Variants in CDH13 observed in about 807,000 individuals in gnomAD.
CDH13 encodes cadherin 13, also known as cadherin-13.
CDH13 carries 24 observed loss-of-function variants against 63.8 expected under a neutral mutation model. The observed-to-expected ratio is 0.38, with a 90% CI of 0.27 to 0.53. The LOEUF is 0.53. CDH13 is among the 20% of genes least tolerant of loss of function. The pLI is 0.85. For missense variants in CDH13, 1,049 were observed against 903.1 expected, an observed-to-expected ratio of 1.16 and a Z score of -2.07; for synonymous variants, 503 against 355.3, an observed-to-expected ratio of 1.42 and a Z score of -4.67.
At chr16:83,378,901 T>C (rs913821703) in intron 6 of CDH13, among the ~76,000 whole-genome samples, 2 of 152,174 alleles carry the variant, frequency 1.3e-5, no homozygotes, top group African/African-American at 4.8e-5. Flanking sequence ...CATGCTAAAC[T>C]TGTGGTCCAC....
chr16:82,795,318 G>A (rs1438432181), intron 1 of CDH13, among the ~76,000 whole-genome samples: 2 of 152,208 alleles, frequency 1.3e-5, no homozygotes, highest in African/African-American at 4.8e-5. Context: ...CCACCTGTGT[G>A]AGTTAATACA....
intron 10 of CDH13, among the ~76,000 whole-genome samples, chr16:83,731,813 C>G (rs908191880): frequency 2.6e-5 from 4 of 152,120 alleles, no homozygotes; most frequent in African/African-American, 9.7e-5. Context: ...TTTTCTTTTT[C>G]TAGACTTCAG....
chr16:82,891,267 G>A (rs1326029491), intron 2 of CDH13, among the ~76,000 whole-genome samples: 1 of 152,004 alleles, frequency 6.6e-6, no homozygotes, highest in African/African-American at 2.4e-5. Context: ...TTAATTTCCT[G>A]GGTAGTGAAG....
chr16:82,842,482 A>T (rs1355981777), intron 1 of CDH13, among the ~76,000 whole-genome samples: 2 of 152,148 alleles, frequency 1.3e-5, no homozygotes, highest in East Asian at 3.9e-4. Flanking sequence ...AATCAGCTAA[A>T]TGGGAGTTGT....
At chr16:82,673,024 A>G (rs1913476929) in intron 1 of CDH13, among the ~76,000 whole-genome samples, 1 of 8,342 alleles carries the variant, frequency 1.2e-4, no homozygotes, top group Admixed American at 1.1e-3. Context: ...TTTTTTGTAG[A>G]GATGATGGGG....
intron 4 of CDH13, among the ~76,000 whole-genome samples, chr16:83,211,724 G>C (rs2039342474): frequency 6.6e-6 from 1 of 151,792 alleles, no homozygotes; most frequent in African/African-American, 2.4e-5. Flanking sequence ...CCCGGATGCA[G>C]AAGACACTGG....
At chr16:82,654,781 G>A (rs530941833) in intron 1 of CDH13, among the ~76,000 whole-genome samples, 2 of 151,988 alleles carry the variant, frequency 1.3e-5, no homozygotes, top group East Asian at 1.9e-4. Context: ...GAAAGGATGA[G>A]GGCAGCTTCT....
intron 7 of CDH13, among the ~76,000 whole-genome samples, chr16:83,530,222 T>C (rs2075053997): frequency 6.6e-6 from 1 of 152,202 alleles, no homozygotes; most frequent in Non-Finnish European, 1.5e-5. Flanking sequence ...CAATTAAAGC[T>C]TAAGTCAGTG....
At chr16:83,706,397 C>T (rs960547395) in intron 10 of CDH13, among the ~76,000 whole-genome samples, 1 of 152,166 alleles carries the variant, frequency 6.6e-6, no homozygotes, top group Non-Finnish European at 1.5e-5. Context: ...CTAGACTCCA[C>T]CTGTGAACGA....
intron 2 of CDH13, among the ~76,000 whole-genome samples, chr16:82,939,510 A>T (rs2042768831): frequency 6.6e-6 from 1 of 152,112 alleles, no homozygotes; most frequent in Non-Finnish European, 1.5e-5. Flanking sequence ...AGGCCTGTTG[A>T]CAGAACAATG....
intron 4 of CDH13, among the ~76,000 whole-genome samples, chr16:83,188,302 A>G (rs1357389516): frequency 1.3e-5 from 2 of 152,330 alleles, no homozygotes; most frequent in Middle Eastern, 3.4e-3. Context: ...CTTGGCCCAG[A>G]GCAATGGTGG....
chr16:83,446,407 A>G (rs1221228623), intron 6 of CDH13, among the ~76,000 whole-genome samples: 2 of 152,306 alleles, frequency 1.3e-5, no homozygotes, highest in African/African-American at 4.8e-5. Flanking sequence ...GCCTTTTTAA[A>G]AAAGGAAGTT....
intron 7 of CDH13, among the ~76,000 whole-genome samples, chr16:83,520,641 G>C (rs1187780683): frequency 6.6e-6 from 1 of 152,154 alleles, no homozygotes; most frequent in Non-Finnish European, 1.5e-5. Context: ...GTTTATGTTT[G>C]CCGCTCAATT....
chr16:82,782,394 T>C (rs1233144322), intron 1 of CDH13, among the ~76,000 whole-genome samples: 1 of 152,014 alleles, frequency 6.6e-6, no homozygotes. Flanking sequence ...ACTCTGTCTT[T>C]ACTAAAAATA....
intron 2 of CDH13, among the ~76,000 whole-genome samples, chr16:82,960,799 T>C (rs1473226382): frequency 6.6e-6 from 1 of 152,142 alleles, no homozygotes; most frequent in African/African-American, 2.4e-5. Context: ...TGTAGCAAGG[T>C]CGTAATTTTT....
At chr16:83,154,705 A>G (rs1482871155) in intron 4 of CDH13, among the ~76,000 whole-genome samples, 1 of 152,236 alleles carries the variant, frequency 6.6e-6, no homozygotes, top group Non-Finnish European at 1.5e-5. Context: ...CCAGGATGAA[A>G]AAATTAATTA....
chr16:83,462,281 G>C (rs1445586251), intron 6 of CDH13, among the ~76,000 whole-genome samples: 1 of 152,250 alleles, frequency 6.6e-6, no homozygotes, highest in African/African-American at 2.4e-5. Context: ...ATTTTCAGCA[G>C]CGGGCAAGGA....
chr16:83,043,920 A>G (rs1314245902), intron 3 of CDH13, among the ~76,000 whole-genome samples: 1 of 152,172 alleles, frequency 6.6e-6, no homozygotes, highest in Non-Finnish European at 1.5e-5. Flanking sequence ...TGTAGTATAT[A>G]TTTTATGCTT....
intron 5 of CDH13, among the ~76,000 whole-genome samples, chr16:83,230,700 T>C (rs952199712): frequency 3.3e-5 from 5 of 152,116 alleles, no homozygotes; most frequent in African/African-American, 1.2e-4. Flanking sequence ...GGCAGGAGAA[T>C]CGTTTGAACC....
Sources: gnomAD v4.1 joint callset for allele counts (sites outside exome capture counted in the v4.1 genomes callset) on GRCh38, gnomAD v4.1.1 for gene constraint, MANE v1.5 for transcripts, NCBI Gene and HGNC (gene_info 2026-07-23, HGNC 2026-07-21) for gene names.